Variants in BANP observed in about 807,000 individuals in gnomAD.
The protein encoded by BANP is protein BANP.
Under a neutral mutation model 68.1 loss-of-function variants are expected in BANP, and 11 were observed. The ratio of observed to expected loss-of-function variants is 0.16; its 90% CI spans 0.10 to 0.27. The LOEUF is 0.27. Ranked by LOEUF, BANP falls within the 10% of genes least tolerant of loss-of-function variation. The probability of loss-of-function intolerance (pLI) is 1.00; values close to 1 mark genes in which losing one functional copy is unlikely to be tolerated. For synonymous variants in BANP, 329 were observed against 303.2 expected (o/e 1.09, Z -0.88); for missense variants, 504 against 722.7 (o/e 0.70, Z 3.47).
intron 4 of BANP, among the ~76,000 whole-genome samples, chr16:87,988,759 C>T (rs1433324375): frequency 6.6e-6 from 1 of 152,180 alleles, no homozygotes; most frequent in Non-Finnish European, 1.5e-5. Flanking sequence ...TGACGAGGCC[C>T]CCGGAGAGAG....
At chr16:88,049,239 G>A (rs1375735150) in intron 11 of BANP, among the ~76,000 whole-genome samples, 4 of 152,172 alleles carry the variant, frequency 2.6e-5, no homozygotes, top group East Asian at 1.9e-4. Flanking sequence ...CCCACGACCC[G>A]TCTTTGGGTT....
chr16:87,971,992 G>A (rs1221200053), intron 1 of BANP, among the ~76,000 whole-genome samples: 1 of 152,002 alleles, frequency 6.6e-6, no homozygotes, highest in Non-Finnish European at 1.5e-5. Flanking sequence ...CGGGGTCTCG[G>A]TACATGCCCA....
intron 9 of BANP, among the ~76,000 whole-genome samples, chr16:88,033,784 T>C (rs1187762460): frequency 3.3e-5 from 5 of 152,204 alleles, no homozygotes; most frequent in East Asian, 1.9e-4. Flanking sequence ...GAGTTCTCTA[T>C]TGGGGTTTTG....
intron 10 of BANP, among the ~76,000 whole-genome samples, chr16:88,035,942 C>G (rs965236248): frequency 6.6e-6 from 1 of 152,242 alleles, no homozygotes; most frequent in South Asian, 2.1e-4. Flanking sequence ...GAGCTCTACC[C>G]GGCCACGCAC....
At chr16:87,955,331 G>T (rs1237826472) in intron 1 of BANP, among the ~76,000 whole-genome samples, 1 of 152,200 alleles carries the variant, frequency 6.6e-6, no homozygotes, top group East Asian at 1.9e-4. Context: ...CCCTACCCAG[G>T]TTCTCGTGCA....
intron 3 of BANP, among the ~76,000 whole-genome samples, chr16:87,981,883 G>T (rs889097224): frequency 6.6e-6 from 1 of 152,186 alleles, no homozygotes; most frequent in Non-Finnish European, 1.5e-5. Context: ...GAATTTGCTT[G>T]GTTGGTTCCA....
At chr16:88,028,354 G>T (rs911960362) in intron 8 of BANP, among the ~76,000 whole-genome samples, 24 of 152,314 alleles carry the variant, frequency 1.6e-4, no homozygotes, top group Admixed American at 1.5e-3. Flanking sequence ...AGTCTTTGTT[G>T]GCGGGAACCC....
chr16:88,073,214 C>T (rs574824128), intron 13 of BANP, among the ~76,000 whole-genome samples: 5 of 152,346 alleles, frequency 3.3e-5, no homozygotes, highest in Non-Finnish European at 5.9e-5. Flanking sequence ...CCAGGCTGGG[C>T]GGTTCTGCAG....
rs927361892 is a variant in BANP, at chr16:88,076,787, C to G, written c.*126C>G. The G allele has an allele frequency of 2.7e-6, 2 of 740,246 alleles. No individual in the cohort carries two copies. Among genetic ancestry groups the G allele is most frequent in the East Asian group, 5.6e-5 (2 of 35,668 alleles). 45.9% of individuals were successfully genotyped at this position (740,246 alleles called of 1,614,324 possible). Reference sequence around the variant, plus strand: ...GTTCTGCTGAAGTGCGTCTGAAGGCCGCTGCCTCCGCGGGGAACAGCATCC... The same window carrying G: ...GTTCTGCTGAAGTGCGTCTGAAGGCGGCTGCCTCCGCGGGGAACAGCATCC... On this transcript the variant is annotated 3_prime_UTR_variant, in exon 14 of 14. Coordinates refer to ENST00000682872, the MANE Select transcript of BANP (RefSeq NM_001386991.1).
At chr16:88,001,940 A>T (rs1220650669) in intron 4 of BANP, among the ~76,000 whole-genome samples, 2 of 152,164 alleles carry the variant, frequency 1.3e-5, no homozygotes, top group African/African-American at 4.8e-5. Flanking sequence ...ACAAAAAAAA[A>T]AAAACCTTCT....
chr16:87,997,331 C>G (rs1416041872), intron 4 of BANP, among the ~76,000 whole-genome samples: 1 of 152,238 alleles, frequency 6.6e-6, no homozygotes, highest in South Asian at 2.1e-4. Context: ...TGAGTTGTAG[C>G]AGTGGTTGAA....
rs1445958484 is a variant in BANP at position 87,998,708 on chromosome 16, G to A, written c.363-5587G>A. Among the ~76,000 whole-genome samples, 271 of 94,886 alleles carry A rather than the reference G, an allele frequency of 2.9e-3. 1 individual carries two copies. The highest frequency in any genetic ancestry group is 0.028 in the Middle Eastern group (3 of 106). The allele number at this position is 94,886 out of a possible 152,430, so 62.2% of individuals were successfully genotyped here. A position where few individuals can be genotyped will look rare whatever the true frequency, so the allele number is the denominator to read the frequency against. ...GCTGGACTTACCTGTCCTTCCAGACGTGTCTCCATGCACGCACGTGCGCGG... is the reference window on the plus strand; with the variant it reads ...GCTGGACTTACCTGTCCTTCCAGACATGTCTCCATGCACGCACGTGCGCGG... On this transcript the variant is annotated intron_variant, in intron 4 of 13. Coordinates refer to ENST00000682872, the MANE Select transcript of BANP (RefSeq NM_001386991.1).
chr16:88,054,915 C>G (rs1183273189), intron 11 of BANP, among the ~76,000 whole-genome samples: 1 of 152,132 alleles, frequency 6.6e-6, no homozygotes, highest in African/African-American at 2.4e-5. Context: ...CAGTTAGTAC[C>G]AAACTCTGTT....
chr16:87,961,407 G>GCCCGC (rs149889657), intron 1 of BANP, among the ~76,000 whole-genome samples: 1 of 117,672 alleles, frequency 8.5e-6, no homozygotes, highest in African/African-American at 2.9e-5. Context: ...CACAGAATCT[G>GCCCGC]CACCCCCCCG....
chr16:88,025,125 A>T (rs2076740193), intron 7 of BANP, among the ~76,000 whole-genome samples: 2 of 151,948 alleles, frequency 1.3e-5, no homozygotes, highest in South Asian at 4.2e-4. Flanking sequence ...TGCTGGTGGG[A>T]TGGCTGTTTC....
intron 6 of BANP, among the ~76,000 whole-genome samples, chr16:88,014,248 G>C (rs959205877): frequency 2.0e-5 from 3 of 152,184 alleles, no homozygotes; most frequent in Non-Finnish European, 4.4e-5. Flanking sequence ...TGGGGTGGAG[G>C]GCACGGCCAG....
intron 6 of BANP, among the ~76,000 whole-genome samples, chr16:88,017,037 G>A (rs1222622325): frequency 6.6e-6 from 1 of 152,240 alleles, no homozygotes; most frequent in Non-Finnish European, 1.5e-5. Context: ...CTTGTGGAGG[G>A]AGCTGTGTAT....
At chr16:87,980,859 G>A in intron 2 of BANP, 177 bp from the exon 3 acceptor site, 1 of 582,122 alleles carries the variant, frequency 1.7e-6, no homozygotes, top group Non-Finnish European at 3.1e-6. Context: ...TTGGGATTAA[G>A]GAGTTATCCT....
chr16:88,048,499 C>T (rs530951241), intron 11 of BANP, among the ~76,000 whole-genome samples: 9 of 151,468 alleles, frequency 5.9e-5, no homozygotes, highest in South Asian at 2.1e-4. Context: ...GGTATCGAGT[C>T]GGCGCTCACC....
Sources: gnomAD v4.1 joint callset for allele counts (sites outside exome capture counted in the v4.1 genomes callset) on GRCh38, gnomAD v4.1.1 for gene constraint, MANE v1.5 for transcripts, NCBI Gene and HGNC (gene_info 2026-07-23, HGNC 2026-07-21) for gene names.